The following USH2A variants were observed in gnomAD, a reference collection of about 807,000 sequenced individuals.
The protein encoded by USH2A is usherin.
USH2A carries 443 observed loss-of-function variants against 538.9 expected under a neutral mutation model. The observed-to-expected ratio is 0.82, with a 90% CI of 0.76 to 0.89. USH2A has a LOEUF of 0.89. Among genes scored for constraint, USH2A ranks in the 40% least tolerant of loss-of-function variants. The probability of loss-of-function intolerance (pLI) is 0.00; values close to 1 mark genes in which losing one functional copy is unlikely to be tolerated. For missense variants in USH2A, 6,633 were observed against 6,324.8 expected, an observed-to-expected ratio of 1.05 and a Z score of -1.65; for synonymous variants, 2,413 against 2,273.5, an observed-to-expected ratio of 1.06 and a Z score of -1.75.
intron 60 of USH2A, among the ~76,000 whole-genome samples, chr1:215,740,884 C>T (rs185491605): frequency 8.4e-4 from 128 of 152,242 alleles, no homozygotes; most frequent in Non-Finnish European, 1.4e-3. Flanking sequence ...CCCCCACATG[C>T]GCAGTTCACA....
Position 215,675,134 on chromosome 1 carries a change from C to T in USH2A, c.12777G>A (p.Leu4259=). ...TCSSWNVVRT[L]QAPPEGLSPP... The stretch of plus-strand genomic sequence containing the variant: ...GAGAGAGACCTTCTGGAGGTGCTTG[C>T]AATGTCCTCACCACATTCCAAGAGC... Residue 4259 remains leucine, a synonymous_variant, in exon 63 of 72, where the codon TTG becomes TTA. Transcript: ENST00000307340. The T allele has an allele frequency of 6.2e-7, 1 of 1,614,088 alleles. No homozygotes were observed. The highest frequency in any genetic ancestry group is 8.5e-7 in the Non-Finnish European group (1 of 1,180,002).
intron 58 of USH2A, among the ~76,000 whole-genome samples, chr1:215,747,185 G>A (rs1473495325): frequency 6.6e-6 from 1 of 152,108 alleles, no homozygotes; most frequent in Non-Finnish European, 1.5e-5. Context: ...GCTTTAAAGT[G>A]AACTCAATGT....
chr1:216,202,581 C>T (rs1031106368), intron 16 of USH2A, among the ~76,000 whole-genome samples: 1 of 152,134 alleles, frequency 6.6e-6, no homozygotes, highest in African/African-American at 2.4e-5. Context: ...TTACTACAGA[C>T]TTCTGCATTT....
intron 34 of USH2A, among the ~76,000 whole-genome samples, chr1:215,994,342 A>G (rs1172401185): frequency 6.6e-6 from 1 of 152,042 alleles, no homozygotes. Context: ...AAAGTAGTCG[A>G]TATTCTTTTC....
At chr1:216,072,481 GTGCTTTCTGTGAGAAA>G in intron 29 of USH2A, 1 of 283,246 alleles carries the variant, frequency 3.5e-6, no homozygotes, top group South Asian at 3.6e-5. Context: ...GGTTTCAAAT[GTGCTTTCTGTGAGAAA>G]GTCAAGAAGG....
At chr1:216,367,668 T>C (rs2038625115) in intron 3 of USH2A, among the ~76,000 whole-genome samples, 2 of 152,158 alleles carry the variant, frequency 1.3e-5, no homozygotes, top group South Asian at 4.1e-4. Flanking sequence ...TCTCTTCCAT[T>C]GCCCCCTCCA....
chr1:215,676,710 ATG>A (rs1474103534), intron 62 of USH2A, among the ~76,000 whole-genome samples: 4 of 152,258 alleles, frequency 2.6e-5, no homozygotes, highest in Non-Finnish European at 5.9e-5. Context: ...GACCACCCCC[ATG>A]TGGGAAGGGG....
At chr1:216,339,880 C>T (rs2038042528) in intron 4 of USH2A, among the ~76,000 whole-genome samples, 1 of 151,738 alleles carries the variant, frequency 6.6e-6, no homozygotes, top group Non-Finnish European at 1.5e-5. Flanking sequence ...TATCAGAAAG[C>T]TAGAAAGATC....
intron 21 of USH2A, among the ~76,000 whole-genome samples, chr1:216,135,731 C>T (rs1227913418): frequency 2.0e-5 from 3 of 152,006 alleles, no homozygotes; most frequent in African/African-American, 4.8e-5. Flanking sequence ...GTATTCATTG[C>T]TCTCTCATGA....
At chr1:215,825,331 A>C (rs1663122744) in intron 47 of USH2A, among the ~76,000 whole-genome samples, 1 of 152,028 alleles carries the variant, frequency 6.6e-6, no homozygotes. Flanking sequence ...TTACAGATGC[A>C]TTTCACCCTC....
At chr1:216,367,140 G>A (rs548685113) in intron 3 of USH2A, among the ~76,000 whole-genome samples, 1 of 152,232 alleles carries the variant, frequency 6.6e-6, no homozygotes, top group East Asian at 1.9e-4. Flanking sequence ...AGCCATGAGG[G>A]AAACACATTT....
At chr1:215,764,555 A>G (rs1661073154) in intron 56 of USH2A, among the ~76,000 whole-genome samples, 2 of 152,168 alleles carry the variant, frequency 1.3e-5, no homozygotes, top group African/African-American at 4.8e-5. Flanking sequence ...TGTAATGTAC[A>G]TTGACTTTTT....
chr1:216,006,203 T>C (rs986489795), intron 32 of USH2A, among the ~76,000 whole-genome samples: 1 of 152,184 alleles, frequency 6.6e-6, no homozygotes, highest in African/African-American at 2.4e-5. Context: ...CACCTACTAC[T>C]TCATAATCTT....
chr1:216,079,029 G>T (rs2031847261), intron 26 of USH2A: 1 of 152,100 alleles, frequency 6.6e-6, no homozygotes, highest in African/African-American at 2.4e-5. Flanking sequence ...CCTTCAAAAT[G>T]TCTCATGATA....
At chr1:215,866,277 A>G (rs986662540) in intron 44 of USH2A, among the ~76,000 whole-genome samples, 1 of 152,180 alleles carries the variant, frequency 6.6e-6, no homozygotes, top group African/African-American at 2.4e-5. Context: ...ACAAATTAAC[A>G]TGTTAATACT....
rs764708386 is a variant in USH2A, at chr1:215,675,563, C to G, written c.12348G>C (p.Gln4116His). ...AAGGATCCAGGCGGCGGAAGAGAAA[C>G]TGACGATTCAAACCAGAGTACTCCA... Reference protein sequence around the residue: ...GFLEYSGLNRQFLFRRLDPFT... With the variant: ...GFLEYSGLNRHFLFRRLDPFT... Residue 4116 changes from glutamine to histidine, a missense_variant, in exon 63 of 72, where the codon CAG (glutamine) becomes CAC (histidine). Gln to His is a conservative substitution (Grantham distance 24, BLOSUM62 0). Coordinates refer to ENST00000307340, the MANE Select transcript of USH2A (RefSeq NM_206933.4). The G allele has an allele frequency of 6.2e-7, 1 of 1,614,078 alleles. No homozygotes were observed. The highest frequency in any genetic ancestry group is 8.5e-7 in the Non-Finnish European group (1 of 1,180,004).
chr1:216,009,213 G>A lies in USH2A; in HGVS notation c.6326-8651C>T, dbSNP rs190887113. 4.1e-3 allele frequency among the ~76,000 whole-genome samples: 618 copies of A among 151,796 alleles called. 4 individuals are homozygous for A. The highest frequency in any genetic ancestry group is 0.014 in the African/African-American group (599 of 41,394). On this transcript the variant is annotated intron_variant, in intron 32 of 71. Coordinates refer to ENST00000307340, the MANE Select transcript of USH2A (RefSeq NM_206933.4). ...AAGAACCCCTGAACCCCTTCCCTCC[G>A]TGTCTCTACTCTCTCTTTTCTCTGG... is the stretch of plus-strand genomic sequence containing the variant.
intron 15 of USH2A, among the ~76,000 whole-genome samples, chr1:216,209,254 TA>T (rs1347822931): frequency 6.6e-6 from 1 of 152,198 alleles, no homozygotes; most frequent in Non-Finnish European, 1.5e-5. Flanking sequence ...GGGATGCAGT[TA>T]GCTTGAGGCT....
At chr1:216,421,547 A>C (rs2102787806) in intron 2 of USH2A, among the ~76,000 whole-genome samples, 1 of 152,274 alleles carries the variant, frequency 6.6e-6, no homozygotes, top group African/African-American at 2.4e-5. Flanking sequence ...ATGCCTTAAA[A>C]CTCACTCTGA....
Sources: allele counts gnomAD v4.1 joint callset (sites outside exome capture counted in the v4.1 genomes callset), GRCh38; gene constraint gnomAD v4.1.1; transcripts MANE v1.5; gene names NCBI Gene and HGNC (gene_info 2026-07-23, HGNC 2026-07-21).